RIC8B: variants seen among roughly 807,000 people sequenced by gnomAD.
RIC8B encodes RIC8 guanine nucleotide exchange factor B, also known as chaperone Ric-8B.
Under a neutral mutation model 57.5 loss-of-function variants are expected in RIC8B, and 16 were observed. That is an observed-to-expected ratio of 0.28 (90% CI 0.19 to 0.42). The LOEUF (loss-of-function observed/expected upper bound fraction) is 0.42. Ranked by LOEUF, RIC8B falls within the 10% of genes least tolerant of loss-of-function variation. The pLI, the probability that RIC8B is intolerant of heterozygous loss-of-function variation, is 1.00. For synonymous variants in RIC8B, 216 were observed against 250.8 expected, an observed-to-expected ratio of 0.86 and a Z score of 1.31; for missense variants, 481 against 677.0, an observed-to-expected ratio of 0.71 and a Z score of 3.21.
At position 106,878,433 on chromosome 12, in the gene RIC8B, C is replaced by T. The variant is rs149638050; in HGVS notation, c.1572-7471C>T. On this transcript the variant is annotated intron_variant, in intron 9 of 9. Transcript: ENST00000392837. ...TACTGAAATCTTGATATAAGATGCA[C>T]GCCCAGACTTTAAAAGAACTACAGA... Among the ~76,000 whole-genome samples the T allele has an allele frequency of 3.0e-4, 46 of 152,236 alleles. 1 individual carries two copies. The highest frequency in any genetic ancestry group is 1.6e-3 in the Admixed American group (24 of 15,290).
chr12:106,860,175 T>C, intron 7 of RIC8B, 93 bp from the exon 8 acceptor site: 1 of 1,082,408 alleles, frequency 9.2e-7, no homozygotes, highest in East Asian at 2.7e-5. Context: ...ACTGCCATAG[T>C]GTGTGTCTTC....
chr12:106,800,362 A>G (rs1024322759), intron 2 of RIC8B, among the ~76,000 whole-genome samples: 3 of 152,036 alleles, frequency 2.0e-5, no homozygotes, highest in African/African-American at 7.2e-5. Context: ...AGGAAGAGAG[A>G]GAGAAGGGGG....
chr12:106,830,738 T>G (rs969501676), intron 4 of RIC8B, among the ~76,000 whole-genome samples: 4 of 152,176 alleles, frequency 2.6e-5, no homozygotes, highest in African/African-American at 9.7e-5. Context: ...CTGCCCGATT[T>G]AAATTAAGAC....
chr12:106,857,786 T>C (rs1191848153), intron 7 of RIC8B, among the ~76,000 whole-genome samples: 1 of 152,206 alleles, frequency 6.6e-6, no homozygotes, highest in African/African-American at 2.4e-5. Context: ...TAAAAGTAGC[T>C]AGAAACACTG....
intron 3 of RIC8B, among the ~76,000 whole-genome samples, chr12:106,824,455 T>G (rs919653970): frequency 2.6e-5 from 4 of 152,150 alleles, no homozygotes; most frequent in African/African-American, 9.7e-5. Context: ...ACATTATGAG[T>G]TGTGAAAGTG....
At chr12:106,852,925 A>G (rs971381591) in intron 7 of RIC8B, among the ~76,000 whole-genome samples, 15 of 152,376 alleles carry the variant, frequency 9.8e-5, no homozygotes, top group Admixed American at 9.1e-4. Context: ...GAGATCGGAA[A>G]TGATCTGTTT....
At chr12:106,826,025 A>G (rs540548382) in intron 4 of RIC8B, among the ~76,000 whole-genome samples, 1 of 152,316 alleles carries the variant, frequency 6.6e-6, no homozygotes, top group African/African-American at 2.4e-5. Flanking sequence ...ACTTTGTTAT[A>G]TTGAGGCTCA....
intron 2 of RIC8B, among the ~76,000 whole-genome samples, chr12:106,792,269 A>G (rs966947748): frequency 6.6e-6 from 1 of 152,230 alleles, no homozygotes; most frequent in Non-Finnish European, 1.5e-5. Context: ...CTTCATTCCA[A>G]ATTCCACTTT....
intron 7 of RIC8B, among the ~76,000 whole-genome samples, chr12:106,853,259 C>T (rs1322894802): frequency 2.0e-5 from 3 of 151,306 alleles, no homozygotes; most frequent in Admixed American, 6.6e-5. Context: ...ATCACATTAC[C>T]GATGAGTATC....
At chr12:106,885,330 A>G (rs1292104819) in intron 9 of RIC8B, among the ~76,000 whole-genome samples, 1 of 152,084 alleles carries the variant, frequency 6.6e-6, no homozygotes, top group East Asian at 1.9e-4. Context: ...AGGAGGAAAG[A>G]AAGAGTGAAA....
chr12:106,884,959 A>G (rs1951108475), intron 9 of RIC8B, among the ~76,000 whole-genome samples: 1 of 152,092 alleles, frequency 6.6e-6, no homozygotes, highest in Non-Finnish European at 1.5e-5. Flanking sequence ...GGTGATGCCC[A>G]TTTCTGTGAT....
chr12:106,873,164 C>A, intron 9 of RIC8B: 2 of 985,378 alleles, frequency 2.0e-6, no homozygotes, highest in Non-Finnish European at 2.4e-6. Flanking sequence ...CCAGCAGATG[C>A]CCAACTGAAG....
intron 4 of RIC8B, 74 bp downstream of exon 4, chr12:106,825,894 A>G (rs1395490503): frequency 1.0e-6 from 1 of 986,356 alleles, no homozygotes; most frequent in Admixed American, 1.8e-5. Flanking sequence ...TCTAATTTCA[A>G]TTGTTATAAG....
intron 1 of RIC8B, chr12:106,775,462 G>A: frequency 2.4e-6 from 1 of 422,702 alleles, no homozygotes; most frequent in Non-Finnish European, 4.8e-6. Flanking sequence ...AATGATACCT[G>A]TTATTTGTAT....
chr12:106,788,241 T>C lies in RIC8B; in HGVS notation c.132+4197T>C, dbSNP rs559255945. Among the ~76,000 whole-genome samples, 36 of 152,322 alleles carry C rather than the reference T, an allele frequency of 2.4e-4. 1 individual carries two copies. The East Asian group carries it at 6.2e-3, about 26-fold the overall frequency. ...TGATTCAAGAGGTAGGTTCCCATAG[T>C]CTTGGGCAGCTCCACGCCTGTGGCT... is the stretch of plus-strand genomic sequence containing the variant. On this transcript the variant is annotated intron_variant, in intron 2 of 9. Coordinates refer to ENST00000392837, the MANE Select transcript of RIC8B (RefSeq NM_001330145.2).
intron 2 of RIC8B, among the ~76,000 whole-genome samples, chr12:106,789,674 G>T (rs904616282): frequency 3.9e-5 from 6 of 152,078 alleles, no homozygotes; most frequent in Non-Finnish European, 8.8e-5. Flanking sequence ...TCTCTCAGCA[G>T]GTGCCTCCCA....
At chr12:106,786,452 A>G (rs554264007) in intron 2 of RIC8B, among the ~76,000 whole-genome samples, 2 of 152,256 alleles carry the variant, frequency 1.3e-5, no homozygotes, top group South Asian at 4.1e-4. Flanking sequence ...CCTGGCCCCA[A>G]TGTGTATTTT....
rs562009017 is a variant in RIC8B, at chr12:106,841,175, A to G, written c.837-1414A>G. Reference sequence around the variant, plus strand: ...ATATAGAGATTTTGTGCATAACACCAGTAGCAGCAGCAGTATTTGGTTTTA... The same window carrying G: ...ATATAGAGATTTTGTGCATAACACCGGTAGCAGCAGCAGTATTTGGTTTTA... On this transcript the variant is annotated intron_variant, in intron 4 of 9. Coordinates refer to ENST00000392837, the MANE Select transcript of RIC8B (RefSeq NM_001330145.2). Among the ~76,000 whole-genome samples, 3 of 152,358 alleles carry G rather than the reference A, an allele frequency of 2.0e-5. No individual in the cohort carries two copies. The East Asian group carries it at 5.8e-4, about 29-fold the overall frequency.
chr12:106,843,752 CCT>C, intron 5 of RIC8B, 98 bp from the exon 6 acceptor site: 2 of 764,096 alleles, frequency 2.6e-6, no homozygotes, highest in Non-Finnish European at 4.0e-6. Flanking sequence ...AAAGTCCCCA[CCT>C]CAAAAACAAA....
Sources: allele counts gnomAD v4.1 joint callset (sites outside exome capture counted in the v4.1 genomes callset), GRCh38; gene constraint gnomAD v4.1.1; transcripts MANE v1.5; gene names NCBI Gene and HGNC (gene_info 2026-07-23, HGNC 2026-07-21).